CCDC141: variants seen among roughly 807,000 people sequenced by gnomAD.
CCDC141 encodes coiled-coil domain-containing protein 141.
A neutral mutation model predicts 181.0 loss-of-function variants in CCDC141; 168 were observed. That is an observed-to-expected ratio of 0.93 (90% confidence interval 0.82 to 1.05). The LOEUF (loss-of-function observed/expected upper bound fraction) is 1.05, where lower values mean the gene tolerates loss of function less well. Ranked by LOEUF, CCDC141 falls within the 50% of genes least tolerant of loss-of-function variation. The probability of loss-of-function intolerance (pLI) is 0.00; values close to 1 mark genes in which losing one functional copy is unlikely to be tolerated. For missense variants in CCDC141, 1,902 were observed against 1,788.5 expected, an observed-to-expected ratio of 1.06 and a Z score of -1.14; for synonymous variants, 666 against 642.3, an observed-to-expected ratio of 1.04 and a Z score of -0.56.
chr2:179,045,380 T>A (rs2043461272), intron 2 of CCDC141, among the ~76,000 whole-genome samples: 1 of 148,152 alleles, frequency 6.7e-6, no homozygotes. Flanking sequence ...CCATGGTGTA[T>A]ATGTGCCACA....
chr2:178,935,512 T>C (rs1487436934), intron 6 of CCDC141, among the ~76,000 whole-genome samples: 1 of 152,202 alleles, frequency 6.6e-6, no homozygotes, highest in Non-Finnish European at 1.5e-5. Context: ...ATTTTCTTTA[T>C]TCAATCTGTC....
intron 2 of CCDC141, among the ~76,000 whole-genome samples, chr2:179,032,275 C>G (rs1234617004): frequency 2.0e-5 from 3 of 152,192 alleles, no homozygotes; most frequent in African/African-American, 7.2e-5. Flanking sequence ...GACCATTGAT[C>G]TTCTGGCCAG....
Position 178,856,259 on chromosome 2 carries a change from G to T in CCDC141, c.2863C>A (p.Gln955Lys). The T allele has an allele frequency of 4.4e-6, 7 of 1,603,268 alleles. No individual in the cohort carries two copies. Among genetic ancestry groups the T allele is most frequent in the Non-Finnish European group, 6.0e-6 (7 of 1,175,302 alleles). The change falls in exon 18 of 24, where the codon CAG (glutamine) becomes AAG (lysine). Residue 955 changes from glutamine (Q) to lysine (K), a missense_variant and splice_region_variant. By Grantham distance (53) the Gln-to-Lys change is moderately conservative. Transcript: ENST00000443758. Reference sequence around the variant, plus strand: ...TACAAACCATACTTTCTTGTTACCTGCATTTTTTCAGCATACATATCAACT... The same window carrying T: ...TACAAACCATACTTTCTTGTTACCTTCATTTTTTCAGCATACATATCAACT... The part of the protein sequence containing the change: ...QQVDMYAEKM[Q>K]ALKRKMEKVS...
chr2:178,871,603 C>A (rs767219545), intron 13 of CCDC141, 51 bp from the exon 14 acceptor site: 6 of 1,597,018 alleles, frequency 3.8e-6, no homozygotes, highest in African/African-American at 2.7e-5. Context: ...ACATCTCCAG[C>A]AAATTTGATC....
chr2:178,950,442 C>T (rs1212543735), intron 5 of CCDC141, among the ~76,000 whole-genome samples: 1 of 152,020 alleles, frequency 6.6e-6, no homozygotes, highest in East Asian at 1.9e-4. Flanking sequence ...TTTGAAATAT[C>T]CATTTGGTCC....
intron 12 of CCDC141, 93 bp from the exon 13 acceptor site, chr2:178,872,405 C>G: frequency 1.7e-6 from 2 of 1,193,486 alleles, no homozygotes; most frequent in Non-Finnish European, 2.3e-6. Flanking sequence ...AATTCTTTAT[C>G]ACAACCAAAG....
At chr2:178,965,259 T>C (rs1162842042) in intron 4 of CCDC141, among the ~76,000 whole-genome samples, 2 of 152,162 alleles carry the variant, frequency 1.3e-5, no homozygotes, top group Non-Finnish European at 2.9e-5. Flanking sequence ...AAAGTAGAGA[T>C]AATAGTGTAA....
At chr2:178,854,820 T>A (rs1190158809) in intron 19 of CCDC141, among the ~76,000 whole-genome samples, 1 of 152,224 alleles carries the variant, frequency 6.6e-6, no homozygotes, top group Non-Finnish European at 1.5e-5. Context: ...ATTTCTTCAA[T>A]ACAAAGTGTT....
chr2:178,855,614 A>C, intron 18 of CCDC141, 73 bp from the exon 19 acceptor site: 1 of 1,020,848 alleles, frequency 9.8e-7, no homozygotes, highest in Admixed American at 3.5e-5. Context: ...AAATACTGAG[A>C]GAAAAACTGG....
At chr2:178,817,747 T>G in the CCDC141 span, 4 of 305,456 alleles carry the variant, frequency 1.3e-5, no homozygotes, top group South Asian at 1.2e-4. Context: ...CTCTTTTTCT[T>G]TATCTCTTTT....
chr2:178,905,613 A>G lies in CCDC141; in HGVS notation c.1093-112T>C, dbSNP rs114829390. The G allele has an allele frequency of 0.078, 77,578 of 997,430 alleles. 3,505 individuals carry two copies. The highest frequency in any genetic ancestry group is 0.091 in the Non-Finnish European group (64,887 of 712,516). The allele number at this position is 997,430 out of a possible 1,614,324, so 61.8% of individuals were successfully genotyped here. A position where few individuals can be genotyped will look rare whatever the true frequency, so the allele number is the denominator to read the frequency against. On this transcript the variant is annotated intron_variant, in intron 7 of 23. Transcript: ENST00000443758. ...GGCCAAACAATTTGTTAGTTTCATT[A>G]TAACAAAAAACAACCATCTTAATCT...
At chr2:178,815,891 C>A in the CCDC141 span, among the ~76,000 whole-genome samples, 2 of 151,844 alleles carry the variant, frequency 1.3e-5, no homozygotes, top group African/African-American at 4.8e-5. Context: ...ATTGTTAACC[C>A]ATCAGAGACT....
At chr2:179,047,201 A>G in intron 2 of CCDC141, 83 bp downstream of exon 2, 1 of 1,299,810 alleles carries the variant, frequency 7.7e-7, no homozygotes, top group Non-Finnish European at 1.0e-6. Context: ...CTAGGCCAGT[A>G]ACAGCAGAGG....
At chr2:178,816,917 T>C in the CCDC141 span, among the ~76,000 whole-genome samples, 4 of 152,190 alleles carry the variant, frequency 2.6e-5, no homozygotes, top group Non-Finnish European at 4.4e-5. Flanking sequence ...TCTAGCTTTC[T>C]AGGATGAGAT....
intron 2 of CCDC141, among the ~76,000 whole-genome samples, chr2:178,999,641 G>A (rs35319471): frequency 0.12 from 17,832 of 151,982 alleles, 1,349 homozygotes; most frequent in Middle Eastern, 0.24. Flanking sequence ...ATCCCTGTTG[G>A]CTGACTCCCT....
intron 2 of CCDC141, among the ~76,000 whole-genome samples, chr2:179,030,086 G>A (rs1178110038): frequency 6.6e-6 from 1 of 151,986 alleles, no homozygotes; most frequent in African/African-American, 2.4e-5. Context: ...GAAGTTATTA[G>A]AGATCATATT....
At chr2:178,823,572 T>C in the CCDC141 span, among the ~76,000 whole-genome samples, 1 of 152,176 alleles carries the variant, frequency 6.6e-6, no homozygotes, top group Non-Finnish European at 1.5e-5. Flanking sequence ...TGAAATACCA[T>C]AACTAATGGA....
the CCDC141 span, among the ~76,000 whole-genome samples, chr2:178,821,200 T>C: frequency 6.6e-6 from 1 of 152,188 alleles, no homozygotes; most frequent in Non-Finnish European, 1.5e-5. Flanking sequence ...CCTGATTATT[T>C]GTTTGGGTAT....
chr2:178,898,672 A>G (rs1687529697), intron 8 of CCDC141, among the ~76,000 whole-genome samples: 1 of 152,224 alleles, frequency 6.6e-6, no homozygotes, highest in African/African-American at 2.4e-5. Flanking sequence ...CTTCAAATGT[A>G]TTTGATTCCA....
Sources: gnomAD v4.1 joint callset for allele counts (sites outside exome capture counted in the v4.1 genomes callset) on GRCh38, gnomAD v4.1.1 for gene constraint, MANE v1.5 for transcripts, NCBI Gene and HGNC (gene_info 2026-07-23, HGNC 2026-07-21) for gene names.